MGAT4C: variants seen among roughly 807,000 people sequenced by gnomAD.
MGAT4C encodes alpha-1,3-mannosyl-glycoprotein 4-beta-N-acetylglucosaminyltransferase C.
MGAT4C carries 19 observed loss-of-function variants against 40.1 expected under a neutral mutation model. That is an observed-to-expected ratio of 0.47 (90% CI 0.33 to 0.70). The LOEUF (loss-of-function observed/expected upper bound fraction) is 0.70, where lower values mean the gene tolerates loss of function less well. MGAT4C is among the 30% of genes least tolerant of loss of function. The pLI is 0.02. For synonymous variants in MGAT4C, 181 were observed against 187.1 expected (o/e 0.97, Z 0.27); for missense variants, 491 against 563.2 (o/e 0.87, Z 1.30).
At chr12:86,432,175 T>C (rs1957051584) in intron 3 of MGAT4C, among the ~76,000 whole-genome samples, 1 of 152,080 alleles carries the variant, frequency 6.6e-6, no homozygotes, top group South Asian at 2.1e-4. Flanking sequence ...CTGAGTGGAC[T>C]TAGCAACAAG....
rs983330004 is a variant in MGAT4C, at chr12:85,972,550, T to C, written c.*6739A>G. On this transcript the variant is annotated 3_prime_UTR_variant, in exon 5 of 5. Coordinates refer to ENST00000611864, the MANE Select transcript of MGAT4C (RefSeq NM_001351288.2). ...GTATTAATTGTTAAAGTGTGGGATA[T>C]AGTTTACATTACCGAGTTTATTTTC... The C allele has an allele frequency of 1.3e-5, 2 of 151,082 alleles. No individual in the cohort carries two copies. Among genetic ancestry groups the C allele is most frequent in the African/African-American group, 4.8e-5 (2 of 41,366 alleles). 9.4% of individuals were successfully genotyped at this position (151,082 alleles called of 1,614,324 possible). A position where few individuals can be genotyped will look rare whatever the true frequency, so the allele number is the denominator to read the frequency against.
intron 4 of MGAT4C, among the ~76,000 whole-genome samples, chr12:86,321,214 A>T (rs1168706093): frequency 6.6e-6 from 1 of 152,164 alleles, no homozygotes; most frequent in Non-Finnish European, 1.5e-5. Context: ...TAAAAATTTG[A>T]CAATTAAGAG....
rs1312782117 is a variant in MGAT4C, at chr12:86,743,073, CATGTGTGT to C, written c.-261-15840_-261-15833del. Among the ~76,000 whole-genome samples, 20 of 137,680 alleles carry C rather than the reference CATGTGTGT, an allele frequency of 1.5e-4. 2 individuals are homozygous for C. The South Asian group carries it at 2.6e-3, about 18-fold the overall frequency. The allele number at this position is 137,680 out of a possible 152,430, so 90.3% of individuals were successfully genotyped here. ...ATGTGTGTATGTGTATGTGTGTATG[CATGTGTGT>C]ATGTGTGTATGTGTGTGTATGTATG... On this transcript the variant is annotated intron_variant, in intron 1 of 7. Coordinates refer to the MGAT4C transcript ENST00000548651.
chr12:86,808,779 C>G (rs1325494813), intron 1 of MGAT4C, among the ~76,000 whole-genome samples: 2 of 151,950 alleles, frequency 1.3e-5, no homozygotes, highest in Non-Finnish European at 2.9e-5. Context: ...TTGTCCAGCA[C>G]AATCAAGCAA....
At chr12:86,330,933 T>A (rs1004699451) in intron 4 of MGAT4C, among the ~76,000 whole-genome samples, 1 of 152,160 alleles carries the variant, frequency 6.6e-6, no homozygotes, top group Non-Finnish European at 1.5e-5. Flanking sequence ...GGAGCTATCA[T>A]ATAGCAATTA....
intron 2 of MGAT4C, among the ~76,000 whole-genome samples, chr12:86,576,910 G>A (rs1402120623): frequency 6.6e-6 from 1 of 151,794 alleles, no homozygotes; most frequent in Non-Finnish European, 1.5e-5. Flanking sequence ...GATTGTTTTG[G>A]ATACTATGGA....
At chr12:86,068,741 C>T (rs1220691426) in intron 1 of MGAT4C, among the ~76,000 whole-genome samples, 1 of 151,978 alleles carries the variant, frequency 6.6e-6, no homozygotes, top group African/African-American at 2.4e-5. Context: ...ATGAGGCATT[C>T]TCTTTACTAT....
intron 4 of MGAT4C, among the ~76,000 whole-genome samples, chr12:86,296,566 C>A (rs1360936939): frequency 6.6e-6 from 1 of 152,220 alleles, no homozygotes; most frequent in Non-Finnish European, 1.5e-5. Flanking sequence ...GCAGCTAAGG[C>A]CCAGCGAGAA....
chr12:86,694,846 A>G (rs1436738425), intron 2 of MGAT4C, among the ~76,000 whole-genome samples: 1 of 152,194 alleles, frequency 6.6e-6, no homozygotes, highest in African/African-American at 2.4e-5. Flanking sequence ...TCTCTGGAAC[A>G]TTGGTCTGGG....
intron 1 of MGAT4C, among the ~76,000 whole-genome samples, chr12:86,171,902 C>G (rs1231741232): frequency 6.6e-6 from 1 of 152,178 alleles, no homozygotes; most frequent in Admixed American, 6.5e-5. Context: ...ACAAAGCAAT[C>G]ACCTTATTCA....
intron 2 of MGAT4C, among the ~76,000 whole-genome samples, chr12:86,464,624 C>T (rs1413663987): frequency 6.6e-6 from 1 of 152,208 alleles, no homozygotes; most frequent in East Asian, 1.9e-4. Flanking sequence ...TTAAAATTTA[C>T]TTGAGTGCAA....
chr12:86,786,924 C>A (rs1951939932), intron 1 of MGAT4C, among the ~76,000 whole-genome samples: 1 of 152,044 alleles, frequency 6.6e-6, no homozygotes, highest in Non-Finnish European at 1.5e-5. Context: ...TGAATTAAAT[C>A]TTCTTTGGTA....
chr12:86,149,457 G>T (rs887299250), intron 1 of MGAT4C, among the ~76,000 whole-genome samples: 4 of 152,126 alleles, frequency 2.6e-5, no homozygotes, highest in African/African-American at 9.7e-5. Context: ...AAGTTTTCTT[G>T]TGTCACTTCT....
At chr12:86,673,570 TATG>T (rs1236456471) in intron 2 of MGAT4C, among the ~76,000 whole-genome samples, 2 of 152,014 alleles carry the variant, frequency 1.3e-5, no homozygotes, top group Non-Finnish European at 2.9e-5. Flanking sequence ...AATATTTTAT[TATG>T]ATAATAACTA....
intron 2 of MGAT4C, among the ~76,000 whole-genome samples, chr12:86,600,516 A>G (rs749691314): frequency 1.7e-4 from 26 of 152,316 alleles, no homozygotes; most frequent in Admixed American, 4.6e-4. Flanking sequence ...GGATGTCACA[A>G]ATCTCGTGAG....
intron 2 of MGAT4C, among the ~76,000 whole-genome samples, chr12:86,647,037 G>A (rs529244428): frequency 3.3e-5 from 5 of 151,898 alleles, no homozygotes; most frequent in South Asian, 2.1e-4. Flanking sequence ...GGACTATCAC[G>A]TAATGAAGCC....
intron 2 of MGAT4C, among the ~76,000 whole-genome samples, chr12:86,043,021 C>G (rs1330269938): frequency 6.6e-6 from 1 of 151,988 alleles, no homozygotes; most frequent in Non-Finnish European, 1.5e-5. Flanking sequence ...TCTTTCATTT[C>G]GATCTTAGAG....
chr12:86,813,025 C>T (rs540560983), intron 1 of MGAT4C, among the ~76,000 whole-genome samples: 1 of 152,080 alleles, frequency 6.6e-6, no homozygotes, highest in Non-Finnish European at 1.5e-5. Flanking sequence ...TGCAAGGCTT[C>T]TTCTGTTTTG....
intron 2 of MGAT4C, among the ~76,000 whole-genome samples, chr12:86,471,132 A>G (rs956434496): frequency 1.3e-5 from 2 of 152,112 alleles, no homozygotes; most frequent in Non-Finnish European, 2.9e-5. Context: ...TTTTTAGGCT[A>G]GAGGGAAATA....
Sources: allele counts gnomAD v4.1 joint callset (sites outside exome capture counted in the v4.1 genomes callset), GRCh38; gene constraint gnomAD v4.1.1; transcripts MANE v1.5; gene names NCBI Gene and HGNC (gene_info 2026-07-23, HGNC 2026-07-21).